LRP1B: variants seen among roughly 807,000 people sequenced by gnomAD.
The protein encoded by LRP1B is low-density lipoprotein receptor-related protein 1B.
LRP1B carries 217 observed loss-of-function variants against 556.6 expected under a neutral mutation model. The observed-to-expected ratio is 0.39, with a 90% CI of 0.35 to 0.44. The LOEUF (loss-of-function observed/expected upper bound fraction) is 0.44. LRP1B is among the 20% of genes least tolerant of loss of function. The probability of loss-of-function intolerance (pLI) is 1.00; values close to 1 mark genes in which losing one functional copy is unlikely to be tolerated. For synonymous variants in LRP1B, 2,047 were observed against 1,865.8 expected (o/e 1.10, Z -2.50); for missense variants, 5,053 against 5,620.8 (o/e 0.90, Z 3.23).
At chr2:141,774,770 C>A (rs1695005562) in intron 2 of LRP1B, among the ~76,000 whole-genome samples, 1 of 152,124 alleles carries the variant, frequency 6.6e-6, no homozygotes, top group Middle Eastern at 3.2e-3. Context: ...TTTCATAGAT[C>A]TTCCAAAGAA....
chr2:141,827,432 C>T lies in LRP1B; in HGVS notation c.83-17031G>A, dbSNP rs352976. 3.0e-3 allele frequency among the ~76,000 whole-genome samples: 450 copies of T among 152,026 alleles called. 2 individuals are homozygous for T. Among genetic ancestry groups the T allele is most frequent in the African/African-American group, 0.01 (427 of 41,492 alleles). ...TCAAAATACTTCCTCTGTTTGGGGG[C>T]ATCCCAGCCCTAGTTCTGTCTGCCC... is the stretch of plus-strand genomic sequence containing the variant. On this transcript the variant is annotated intron_variant, in intron 1 of 90. Coordinates refer to ENST00000389484, the MANE Select transcript of LRP1B (RefSeq NM_018557.3).
At chr2:141,046,969 C>A (rs1574017577) in intron 11 of LRP1B, among the ~76,000 whole-genome samples, 1 of 147,176 alleles carries the variant, frequency 6.8e-6, no homozygotes, top group Admixed American at 6.9e-5. Context: ...GCAATCCCAG[C>A]TCCTCAGGAG....
intron 3 of LRP1B, among the ~76,000 whole-genome samples, chr2:141,367,232 C>CA (rs1442850313): frequency 6.6e-6 from 1 of 151,932 alleles, no homozygotes; most frequent in East Asian, 1.9e-4. Flanking sequence ...TTGTTAGTAA[C>CA]AAAAATAAGA....
intron 2 of LRP1B, among the ~76,000 whole-genome samples, chr2:141,549,124 G>A (rs1268941703): frequency 2.0e-5 from 3 of 152,230 alleles, no homozygotes; most frequent in African/African-American, 7.2e-5. Flanking sequence ...ATATAGTAAT[G>A]TGGTTAAGAG....
intron 63 of LRP1B, among the ~76,000 whole-genome samples, chr2:140,447,173 T>C (rs1442012115): frequency 6.6e-6 from 1 of 152,024 alleles, no homozygotes; most frequent in Non-Finnish European, 1.5e-5. Context: ...GTGTTAGCAA[T>C]GATGTGAAGA....
intron 1 of LRP1B, among the ~76,000 whole-genome samples, chr2:141,871,618 G>A (rs144629640): frequency 3.3e-5 from 5 of 152,068 alleles, no homozygotes; most frequent in African/African-American, 1.2e-4. Flanking sequence ...CCCTGTGTTT[G>A]GCACATAAGT....
chr2:140,381,089 C>A lies in LRP1B; in HGVS notation c.10532-2803G>T, dbSNP rs192395263. Among the ~76,000 whole-genome samples the A allele has an allele frequency of 5.7e-3, 865 of 152,146 alleles. 5 individuals are homozygous for A. The highest frequency in any genetic ancestry group is 9.2e-3 in the Non-Finnish European group (626 of 67,996). ...AATAGGGTACCAAGTCTATTTCTAA[C>A]CATCATTCATATACCTCAGAATCTT... On this transcript the variant is annotated intron_variant, in intron 67 of 90. Coordinates refer to ENST00000389484, the MANE Select transcript of LRP1B (RefSeq NM_018557.3).
At chr2:141,601,672 C>T (rs565620370) in intron 2 of LRP1B, among the ~76,000 whole-genome samples, 22 of 143,942 alleles carry the variant, frequency 1.5e-4, no homozygotes, top group Non-Finnish European at 2.6e-4. Context: ...CTGACAGATT[C>T]CCACTCTGTC....
chr2:141,578,964 G>A lies in LRP1B; in HGVS notation c.206-98431C>T, dbSNP rs989682614. Among the ~76,000 whole-genome samples, 5 of 152,176 alleles carry A rather than the reference G, an allele frequency of 3.3e-5. No homozygotes were observed. In the South Asian group the frequency reaches 1.0e-3, roughly 31 times the overall value. ...TTGAGTTTCCAGAAAACTCAGATCA[G>A]TCCCAGGAGATCCTCTTTACGGTGT... On this transcript the variant is annotated intron_variant, in intron 2 of 90. Coordinates refer to ENST00000389484, the MANE Select transcript of LRP1B (RefSeq NM_018557.3).
At chr2:141,522,978 A>T (rs889810426) in intron 2 of LRP1B, among the ~76,000 whole-genome samples, 1 of 152,120 alleles carries the variant, frequency 6.6e-6, no homozygotes, top group Admixed American at 6.6e-5. Context: ...TTCAGGCTTC[A>T]GTGATCTCCT....
chr2:141,926,434 C>A (rs1344994413), intron 1 of LRP1B, among the ~76,000 whole-genome samples: 1 of 152,086 alleles, frequency 6.6e-6, no homozygotes, highest in African/African-American at 2.4e-5. Flanking sequence ...AACTAAGTAG[C>A]CAACTGAAGC....
intron 83 of LRP1B, among the ~76,000 whole-genome samples, chr2:140,300,248 C>T (rs10186173): frequency 0.31 from 47,070 of 151,960 alleles, 8,092 homozygotes; most frequent in Non-Finnish European, 0.4. Flanking sequence ...TCTTCATATT[C>T]AGGGGAATAT....
chr2:141,518,166 G>A (rs915986552), intron 2 of LRP1B, among the ~76,000 whole-genome samples: 15 of 151,778 alleles, frequency 9.9e-5, no homozygotes, highest in African/African-American at 3.4e-4. Context: ...GTCTGAAGCT[G>A]AAAACTGTAA....
intron 2 of LRP1B, among the ~76,000 whole-genome samples, chr2:141,774,435 G>A (rs1004276047): frequency 2.0e-5 from 3 of 152,066 alleles, no homozygotes; most frequent in African/African-American, 7.2e-5. Context: ...GTGCACTAAT[G>A]AGACCTCACT....
intron 2 of LRP1B, among the ~76,000 whole-genome samples, chr2:141,514,279 T>A (rs10165979): frequency 6.6e-6 from 1 of 151,980 alleles, no homozygotes; most frequent in African/African-American, 2.4e-5. Flanking sequence ...AATCTGGTTA[T>A]GTAATGCCCC....
intron 66 of LRP1B, among the ~76,000 whole-genome samples, chr2:140,437,971 C>T (rs1686258541): frequency 6.6e-6 from 1 of 152,116 alleles, no homozygotes; most frequent in African/African-American, 2.4e-5. Context: ...ACTTACATAA[C>T]ATGATACTTG....
At chr2:140,774,858 C>A (rs1428707936) in intron 33 of LRP1B, among the ~76,000 whole-genome samples, 2 of 151,892 alleles carry the variant, frequency 1.3e-5, no homozygotes, top group Non-Finnish European at 2.9e-5. Flanking sequence ...GGACATGACC[C>A]CAAAAATTCA....
intron 43 of LRP1B, among the ~76,000 whole-genome samples, chr2:140,543,018 G>A (rs1045372931): frequency 9.9e-5 from 15 of 152,270 alleles, no homozygotes; most frequent in African/African-American, 3.4e-4. Flanking sequence ...ATGAGACTCT[G>A]AGTACTCCGC....
At chr2:140,840,556 T>C (rs1459134520) in intron 30 of LRP1B, among the ~76,000 whole-genome samples, 1 of 152,196 alleles carries the variant, frequency 6.6e-6, no homozygotes, top group Non-Finnish European at 1.5e-5. Flanking sequence ...TTGAAGAATC[T>C]GATCTACAAA....
Sources: allele counts gnomAD v4.1 joint callset (sites outside exome capture counted in the v4.1 genomes callset), GRCh38; gene constraint gnomAD v4.1.1; transcripts MANE v1.5; gene names NCBI Gene and HGNC (gene_info 2026-07-23, HGNC 2026-07-21).